SETD2: variants seen among roughly 807,000 people sequenced by gnomAD.
The protein encoded by SETD2 is histone-lysine N-methyltransferase SETD2.
Under a neutral mutation model 242.1 loss-of-function variants are expected in SETD2, and 31 were observed. The observed-to-expected ratio is 0.13, with a 90% CI of 0.10 to 0.17. The LOEUF (loss-of-function observed/expected upper bound fraction) is 0.17. Among genes scored for constraint, SETD2 ranks in the 10% least tolerant of loss-of-function variants. SETD2 has a pLI of 1.00. For synonymous variants in SETD2, 1,006 were observed against 1,066.5 expected, an observed-to-expected ratio of 0.94 and a Z score of 1.11; for missense variants, 2,481 against 3,046.3, an observed-to-expected ratio of 0.81 and a Z score of 4.37.
rs867479653 is a variant in SETD2 at position 47,032,880 on chromosome 3, C to G, written c.7350+4786G>C. On this transcript the variant is annotated intron_variant, in intron 18 of 20. Coordinates refer to ENST00000409792, the MANE Select transcript of SETD2 (RefSeq NM_014159.7). ...TGAGCCGAGATCGCACCACTGCACC[C>G]CAGCCTGGGCAACAGAACTAGACTG... 2.0e-5 allele frequency among the ~76,000 whole-genome samples: 3 copies of G among 152,098 alleles called. No individual in the cohort carries two copies. The Middle Eastern group carries it at 0.01, about 517-fold the overall frequency.
intron 1 of SETD2, among the ~76,000 whole-genome samples, chr3:47,128,719 A>G (rs2043407549): frequency 6.6e-6 from 1 of 152,230 alleles, no homozygotes; most frequent in South Asian, 2.1e-4. Flanking sequence ...TACTTCATCA[A>G]TTCTATGATG....
At chr3:47,088,395 T>C in intron 9 of SETD2, 148 bp from the exon 10 acceptor site, 3 of 679,326 alleles carry the variant, frequency 4.4e-6, no homozygotes, top group Non-Finnish European at 7.3e-6. Flanking sequence ...GGGAAAAAGT[T>C]AAGAAGGCTG....
intron 1 of SETD2, chr3:47,157,598 G>A (rs557437712): frequency 4.4e-6 from 2 of 454,248 alleles, no homozygotes; most frequent in Admixed American, 4.7e-5. Flanking sequence ...CTGACCAGGG[G>A]CGTGGTGGCT....
rs2106706302 is a variant in SETD2, at chr3:47,123,541, T to C, written c.1095A>G (p.Lys365=). The C allele has an allele frequency of 6.4e-7, 1 of 1,550,512 alleles. No homozygotes were observed. Among genetic ancestry groups the C allele is most frequent in the African/African-American group, 1.4e-5 (1 of 73,158 alleles). The part of the protein sequence containing the change: ...SAPLKSEDLG[K]PSRSKTDRDD... ...CTCTGTCTGTTTTAGATCGTGAAGGTTTCCCTAGATCCTCACTTTTTAAAG... is the reference window on the plus strand; with the variant it reads ...CTCTGTCTGTTTTAGATCGTGAAGGCTTCCCTAGATCCTCACTTTTTAAAG... Residue 365 remains lysine, a synonymous_variant, in exon 3 of 21, where the codon AAA becomes AAG. Coordinates refer to ENST00000409792, the MANE Select transcript of SETD2 (RefSeq NM_014159.7).
chr3:47,118,135 CTTGA>C (rs2042934645), intron 3 of SETD2, among the ~76,000 whole-genome samples: 1 of 152,158 alleles, frequency 6.6e-6, no homozygotes, highest in South Asian at 2.1e-4. Context: ...AATGATTCCT[CTTGA>C]TTAAAGACAC....
At chr3:47,147,177 T>C (rs1424037692) in intron 1 of SETD2, among the ~76,000 whole-genome samples, 1 of 151,204 alleles carries the variant, frequency 6.6e-6, no homozygotes, top group Non-Finnish European at 1.5e-5. Flanking sequence ...CACCCGCTAA[T>C]TTTTTTTGTA....
In SETD2 at chr3:47,062,202, G is replaced by A. The variant is rs750653362; in HGVS notation, c.6254C>T (p.Ser2085Phe). The A allele has an allele frequency of 1.2e-6, 2 of 1,614,022 alleles. No individual in the cohort carries two copies. Among genetic ancestry groups the A allele is most frequent in the African/African-American group, 1.3e-5 (1 of 74,922 alleles). Residue 2085 changes from serine (S) to phenylalanine (F), a missense_variant, in exon 14 of 21, where the codon TCT becomes TTT. By Grantham distance (155) the Ser-to-Phe change is radical. This residue lies in a region of SETD2 where 80 missense variants were observed against 102.6 expected (regional missense o/e 0.78). Transcript: ENST00000409792. Reference sequence around the variant, plus strand: ...TTTTGTTCCCCGCTCATAGGCAGAAGAGGGTGGTGAGAGGGAGCTTCTTCG... The same window carrying A: ...TTTTGTTCCCCGCTCATAGGCAGAAAAGGGTGGTGAGAGGGAGCTTCTTCG... ...RKRRSSLSPP[S>F]SAYERGTKRP...
intron 14 of SETD2, among the ~76,000 whole-genome samples, chr3:47,058,356 G>A (rs777435083): frequency 7.1e-6 from 1 of 141,192 alleles, no homozygotes; most frequent in East Asian, 2.2e-4. Context: ...CAGGAGAATC[G>A]CTTGAACCCA....
At chr3:47,025,005 C>A (rs1275069144) in intron 18 of SETD2, among the ~76,000 whole-genome samples, 1 of 152,192 alleles carries the variant, frequency 6.6e-6, no homozygotes, top group Admixed American at 6.5e-5. Context: ...TACTACCAGA[C>A]AGCACTCTTC....
intron 7 of SETD2, 89 bp downstream of exon 7, chr3:47,103,257 A>C (rs1323776161): frequency 1.2e-6 from 1 of 810,770 alleles, no homozygotes; most frequent in East Asian, 2.5e-5. Context: ...TAAAAAATTC[A>C]TGAGTACCTT....
At chr3:47,089,573 ATTTTAAATAT>A (rs2041710880) in intron 9 of SETD2, among the ~76,000 whole-genome samples, 1 of 152,216 alleles carries the variant, frequency 6.6e-6, no homozygotes, top group East Asian at 1.9e-4. Flanking sequence ...TTCTTTAAGT[ATTTTAAATAT>A]TAAATGTAAA....
In SETD2 at chr3:47,084,797, T is replaced by C. The variant is rs1450036216; in HGVS notation, c.5398-415A>G. On this transcript the variant is annotated intron_variant, in intron 11 of 20. Coordinates refer to ENST00000409792, the MANE Select transcript of SETD2 (RefSeq NM_014159.7). ...CCCAGGCTGGAGTGCAATGATGTGA[T>C]CTTGGTCACTGCAATCTCTGGCTCC... 5.3e-5 allele frequency among the ~76,000 whole-genome samples: 8 copies of C among 151,796 alleles called. No homozygotes were observed. The East Asian group carries it at 1.5e-3, about 29-fold the overall frequency.
chr3:47,034,777 G>A (rs1166504764), intron 18 of SETD2, among the ~76,000 whole-genome samples: 1 of 152,210 alleles, frequency 6.6e-6, no homozygotes, highest in East Asian at 1.9e-4. Context: ...ACCCCTGGGA[G>A]CAATAGCCTT....
At chr3:47,127,921 A>G (rs548419077) in intron 1 of SETD2, among the ~76,000 whole-genome samples, 3 of 152,200 alleles carry the variant, frequency 2.0e-5, no homozygotes, top group African/African-American at 7.2e-5. Flanking sequence ...TGGGAGACAG[A>G]AATTGCACTG....
chr3:47,049,975 TTTC>T (rs1482195087), intron 15 of SETD2, among the ~76,000 whole-genome samples: 16 of 147,122 alleles, frequency 1.1e-4, no homozygotes, highest in Non-Finnish European at 2.4e-4. Flanking sequence ...TTTATATGTT[TTTC>T]TTATATATAT....
intron 2 of SETD2, among the ~76,000 whole-genome samples, chr3:47,124,913 T>C (rs572912512): frequency 6.6e-6 from 1 of 152,284 alleles, no homozygotes; most frequent in East Asian, 1.9e-4. Context: ...TAAAGGGCAA[T>C]ATCTAACATC....
At chr3:47,162,993 C>T (rs1012214731) in intron 1 of SETD2, among the ~76,000 whole-genome samples, 1 of 152,162 alleles carries the variant, frequency 6.6e-6, no homozygotes, top group Non-Finnish European at 1.5e-5. Context: ...AATCCTCAAA[C>T]GATTCTTGGT....
intron 14 of SETD2, among the ~76,000 whole-genome samples, chr3:47,061,342 G>A (rs892374283): frequency 6.6e-6 from 1 of 152,100 alleles, no homozygotes; most frequent in Admixed American, 6.6e-5. Context: ...AGAGAATGCA[G>A]ATATAAATCC....
At chr3:47,038,125 C>T (rs770403848) in intron 17 of SETD2, among the ~76,000 whole-genome samples, 1 of 152,166 alleles carries the variant, frequency 6.6e-6, no homozygotes, top group African/African-American at 2.4e-5. Flanking sequence ...AGGTCCCTGC[C>T]TATGTCACCC....
Sources: gnomAD v4.1 joint callset for allele counts (sites outside exome capture counted in the v4.1 genomes callset) on GRCh38, gnomAD v4.1.1 for gene constraint, gnomAD v4.1.1 regional missense constraint, MANE v1.5 for transcripts, NCBI Gene and HGNC (gene_info 2026-07-23, HGNC 2026-07-21) for gene names.